Variants in NCK1 observed in about 807,000 individuals in gnomAD.
The protein encoded by NCK1 is NCK adaptor protein 1.
NCK1 carries 19 observed loss-of-function variants against 36.6 expected under a neutral mutation model. The observed-to-expected ratio is 0.52, with a 90% CI of 0.36 to 0.76. The LOEUF is 0.76. NCK1 is among the 30% of genes least tolerant of loss of function. The probability of loss-of-function intolerance (pLI) is 0.00; values close to 1 mark genes in which losing one functional copy is unlikely to be tolerated. For synonymous variants in NCK1, 165 were observed against 156.0 expected (o/e 1.06, Z -0.43); for missense variants, 358 against 445.6 (o/e 0.80, Z 1.77).
intron 1 of NCK1, among the ~76,000 whole-genome samples, chr3:136,869,299 C>T (rs1009455500): frequency 1.3e-5 from 2 of 152,062 alleles, no homozygotes; most frequent in South Asian, 2.1e-4. Flanking sequence ...GTAATCCCAG[C>T]GCTTTGGGAG....
At chr3:136,876,622 A>G (rs959881328) in intron 1 of NCK1, among the ~76,000 whole-genome samples, 1 of 151,736 alleles carries the variant, frequency 6.6e-6, no homozygotes, top group Non-Finnish European at 1.5e-5. Context: ...TCTGTTATAA[A>G]GTTCCTGATT....
chr3:136,878,773 T>C (rs1938847270), intron 1 of NCK1, among the ~76,000 whole-genome samples: 1 of 152,138 alleles, frequency 6.6e-6, no homozygotes, highest in South Asian at 2.1e-4. Flanking sequence ...GTTACTGCCT[T>C]CTTGAGTACC....
At chr3:136,931,325 C>A (rs1267468191) in intron 2 of NCK1, among the ~76,000 whole-genome samples, 3 of 151,970 alleles carry the variant, frequency 2.0e-5, no homozygotes, top group African/African-American at 7.3e-5. Context: ...CTTGGTGTTT[C>A]TAGAAAAATG....
intron 1 of NCK1, among the ~76,000 whole-genome samples, chr3:136,914,124 C>G (rs1414687265): frequency 1.3e-5 from 2 of 152,216 alleles, no homozygotes; most frequent in African/African-American, 4.8e-5. Context: ...GCAGTGGCCT[C>G]TAGCTATTGG....
intron 1 of NCK1, among the ~76,000 whole-genome samples, chr3:136,867,703 C>T (rs1038335918): frequency 3.9e-5 from 6 of 152,038 alleles, no homozygotes; most frequent in Admixed American, 3.9e-4. Flanking sequence ...TACAAATAGA[C>T]TAGATGCACC....
chr3:136,911,939 A>G (rs188845429), intron 1 of NCK1, among the ~76,000 whole-genome samples: 1 of 152,112 alleles, frequency 6.6e-6, no homozygotes, highest in Admixed American at 6.5e-5. Context: ...TTTGGCCTAC[A>G]GAGCTGCTGA....
intron 1 of NCK1, among the ~76,000 whole-genome samples, chr3:136,864,512 C>CA (rs1306670477): frequency 9.3e-5 from 14 of 149,966 alleles, no homozygotes; most frequent in African/African-American, 3.4e-4. Context: ...AAAACAGAAA[C>CA]AAAAAAAACC....
At chr3:136,893,681 T>A (rs1054711461) in intron 1 of NCK1, among the ~76,000 whole-genome samples, 4 of 152,190 alleles carry the variant, frequency 2.6e-5, no homozygotes, top group Non-Finnish European at 5.9e-5. Flanking sequence ...ATGAGACTTT[T>A]GATAGAATCT....
chr3:136,913,105 T>C (rs1560044675), intron 1 of NCK1, among the ~76,000 whole-genome samples: 1 of 148,782 alleles, frequency 6.7e-6, no homozygotes, highest in South Asian at 2.1e-4. Context: ...TCTTCTGATC[T>C]TTCTCTGGGA....
rs568216049 is a variant in NCK1, at chr3:136,862,218, C to A, written c.-154C>A. The A allele has an allele frequency of 1.3e-5, 2 of 152,550 alleles. No individual in the cohort carries two copies. Among genetic ancestry groups the A allele is most frequent in the South Asian group, 2.1e-4 (1 of 4,832 alleles). The allele number at this position is 152,550 out of a possible 1,614,324, so 9.4% of individuals were successfully genotyped here. On this transcript the variant is annotated 5_prime_UTR_variant, in exon 1 of 4. Transcript: ENST00000481752. ...CGGATCCGCCTGCCCACCGCGCGTG[C>A]CCCGCCTCTCTCCCAAGAGCTACGC...
At chr3:136,862,930 G>C (rs1938284596) in intron 1 of NCK1, among the ~76,000 whole-genome samples, 1 of 147,972 alleles carries the variant, frequency 6.8e-6, no homozygotes, top group Non-Finnish European at 1.5e-5. Flanking sequence ...CTTCAGATTC[G>C]TACGCGAGTT....
At chr3:136,894,959 T>A (rs547385221) in intron 1 of NCK1, among the ~76,000 whole-genome samples, 83 of 152,268 alleles carry the variant, frequency 5.5e-4, no homozygotes, top group African/African-American at 1.8e-3. Context: ...CACTGCAACC[T>A]CCACCTCCTG....
intron 1 of NCK1, among the ~76,000 whole-genome samples, chr3:136,875,888 A>G (rs1403211745): frequency 6.6e-6 from 1 of 151,628 alleles, no homozygotes; most frequent in East Asian, 1.9e-4. Context: ...TCCAAAATTG[A>G]CCACATAGTT....
chr3:136,890,183 C>T (rs969419441), intron 1 of NCK1, among the ~76,000 whole-genome samples: 5 of 152,182 alleles, frequency 3.3e-5, no homozygotes, highest in South Asian at 2.1e-4. Context: ...TCGAGCGCAG[C>T]GCTGGTGGGC....
rs1474838411 is a variant in NCK1, at chr3:136,950,437, G to A, written c.*1984G>A. On this transcript the variant is annotated 3_prime_UTR_variant, in exon 4 of 4. Coordinates refer to ENST00000481752, the MANE Select transcript of NCK1 (RefSeq NM_001291999.2). ...TAATTAGGTTTATTGTAGCTATAGC[G>A]CTCCCAGATAACCCATGTGTGCTAG... is the stretch of plus-strand genomic sequence containing the variant. Among the ~76,000 whole-genome samples, 1 of 152,030 alleles carries A rather than the reference G, an allele frequency of 6.6e-6. No individual in the cohort carries two copies. The highest frequency in any genetic ancestry group is 2.4e-5 in the African/African-American group (1 of 41,426).
chr3:136,873,873 A>G (rs1042798831), intron 1 of NCK1, among the ~76,000 whole-genome samples: 1 of 152,224 alleles, frequency 6.6e-6, no homozygotes, highest in Non-Finnish European at 1.5e-5. Flanking sequence ...CTCCAGCCAC[A>G]TGGAACTGTA....
At chr3:136,937,437 G>T (rs1214751747) in intron 2 of NCK1, among the ~76,000 whole-genome samples, 3 of 152,154 alleles carry the variant, frequency 2.0e-5, no homozygotes, top group Non-Finnish European at 4.4e-5. Flanking sequence ...GATTGTTTTG[G>T]TTGCTTAGGG....
At chr3:136,941,226 A>G (rs749663216) in intron 2 of NCK1, among the ~76,000 whole-genome samples, 9 of 150,748 alleles carry the variant, frequency 6.0e-5, no homozygotes, top group Non-Finnish European at 1.2e-4. Flanking sequence ...CCCAGGTTCA[A>G]GCGACACTTA....
rs554353207 is a variant in NCK1, at chr3:136,949,073, T to C, written c.*620T>C. 1 of 152,588 alleles carries C rather than the reference T, an allele frequency of 6.6e-6. No individual in the cohort carries two copies. The highest frequency in any genetic ancestry group is 2.1e-4 in the South Asian group (1 of 4,834). 9.5% of individuals were successfully genotyped at this position (152,588 alleles called of 1,614,324 possible). ...ATGAGACATAGATTAGAAAACATGTTGTACAATTTTAATTTACAACTGTTG... is the reference window on the plus strand; with the variant it reads ...ATGAGACATAGATTAGAAAACATGTCGTACAATTTTAATTTACAACTGTTG... On this transcript the variant is annotated 3_prime_UTR_variant, in exon 4 of 4. Coordinates refer to ENST00000481752, the MANE Select transcript of NCK1 (RefSeq NM_001291999.2).
Sources: gnomAD v4.1 joint callset for allele counts (sites outside exome capture counted in the v4.1 genomes callset) on GRCh38, gnomAD v4.1.1 for gene constraint, MANE v1.5 for transcripts, NCBI Gene and HGNC (gene_info 2026-07-23, HGNC 2026-07-21) for gene names.